Variants in ZNF487 observed in about 807,000 individuals in gnomAD.
ZNF487 encodes the protein zinc finger protein 487.
A neutral mutation model predicts 3.0 loss-of-function variants in ZNF487; 4 were observed. The observed-to-expected ratio is 1.35, with a 90% CI of 0.66 to 3.08. The LOEUF (loss-of-function observed/expected upper bound fraction) is 3.08. Ranked by LOEUF, ZNF487 falls within the 30% of genes most tolerant of loss-of-function variation. ZNF487 has a pLI of 0.01. For synonymous variants in ZNF487, 55 were observed against 34.6 expected, an observed-to-expected ratio of 1.59 and a Z score of -2.06; for missense variants, 146 against 98.7, an observed-to-expected ratio of 1.48 and a Z score of -2.03.
intron 1 of ZNF487, among the ~76,000 whole-genome samples, chr10:43,466,970 C>T (rs1165804664): frequency 1.3e-5 from 2 of 150,252 alleles, no homozygotes; most frequent in African/African-American, 2.5e-5. Context: ...CTAGGTTTGG[C>T]GATTCTCCTG....
intron 1 of ZNF487, among the ~76,000 whole-genome samples, chr10:43,469,535 TC>T (rs1840830524): frequency 6.6e-6 from 1 of 151,950 alleles, no homozygotes; most frequent in African/African-American, 2.4e-5. Flanking sequence ...AGAGACAGGG[TC>T]CCTTATGTTG....
At chr10:43,492,442 A>ATT in the ZNF487 span, among the ~76,000 whole-genome samples, 1 of 80,208 alleles carries the variant, frequency 1.2e-5, no homozygotes. Flanking sequence ...ATTTTATTTT[A>ATT]TTATTTTATT....
At chr10:43,494,765 C>CAAA in the ZNF487 span, among the ~76,000 whole-genome samples, 1,013 of 35,756 alleles carry the variant, frequency 0.028, 78 homozygotes, top group African/African-American at 0.086. Context: ...ACTAAAAATA[C>CAAA]AAAAAAAAAA....
intron 3 of ZNF487, among the ~76,000 whole-genome samples, chr10:43,479,459 A>C (rs1348021420): frequency 6.6e-6 from 1 of 152,186 alleles, no homozygotes; most frequent in Non-Finnish European, 1.5e-5. Context: ...GTGGTAAAAT[A>C]AACTAAAATA....
At chr10:43,509,897 C>T in the ZNF487 span, among the ~76,000 whole-genome samples, 1 of 152,146 alleles carries the variant, frequency 6.6e-6, no homozygotes, top group Non-Finnish European at 1.5e-5. Flanking sequence ...CGGTTGTCAA[C>T]TTGAACCCAT....
chr10:43,440,884 T>C (rs1839575404), intron 1 of ZNF487, among the ~76,000 whole-genome samples: 1 of 151,842 alleles, frequency 6.6e-6, no homozygotes, highest in Non-Finnish European at 1.5e-5. Flanking sequence ...TTGTTGTTTG[T>C]TTTTGAGAGA....
intron 1 of ZNF487, among the ~76,000 whole-genome samples, chr10:43,448,790 C>G (rs572642922): frequency 6.6e-6 from 1 of 151,590 alleles, no homozygotes; most frequent in East Asian, 2.0e-4. Context: ...GTACTCCAGC[C>G]TAGGTGACAG....
At chr10:43,445,597 C>G (rs1456783727) in intron 1 of ZNF487, among the ~76,000 whole-genome samples, 2 of 150,212 alleles carry the variant, frequency 1.3e-5, no homozygotes, top group African/African-American at 2.4e-5. Flanking sequence ...CTAGATCTTC[C>G]TGAGTACTTT....
chr10:43,486,418 C>T (rs188150335), downstream of ZNF487, among the ~76,000 whole-genome samples: 8 of 151,876 alleles, frequency 5.3e-5, no homozygotes, highest in East Asian at 1.2e-3. Flanking sequence ...CCCAGCTACT[C>T]GGGAGGCTGA....
chr10:43,443,965 G>C (rs890460914), intron 1 of ZNF487, among the ~76,000 whole-genome samples: 12 of 150,856 alleles, frequency 8.0e-5, no homozygotes, highest in African/African-American at 2.9e-4. Context: ...CGATTCCTCT[G>C]CCTCAGCCTC....
chr10:43,493,161 C>T, the ZNF487 span, among the ~76,000 whole-genome samples: 3 of 152,014 alleles, frequency 2.0e-5, no homozygotes, highest in Non-Finnish European at 4.4e-5. Context: ...ACCTGGGAGG[C>T]GGAGGTTGCG....
In ZNF487 at chr10:43,482,921, T is replaced by C. The variant is rs760193113; in HGVS notation, c.*999T>C. 5 of 532,270 alleles carry C rather than the reference T, an allele frequency of 9.4e-6. No individual in the cohort carries two copies. Among genetic ancestry groups the C allele is most frequent in the South Asian group, 7.0e-5 (5 of 71,588 alleles). 33.0% of individuals were successfully genotyped at this position (532,270 alleles called of 1,614,324 possible). A position where few individuals can be genotyped will look rare whatever the true frequency, so the allele number is the denominator to read the frequency against. The stretch of plus-strand genomic sequence containing the variant: ...ACACAGGAGAGAAACCCTATGCATG[T>C]AGTGAATGTGGGAAAACCTTCTACC... On this transcript the variant is annotated 3_prime_UTR_variant, in exon 4 of 4. Transcript: ENST00000437590.
At chr10:43,438,979 C>T (rs781379546) in intron 1 of ZNF487, among the ~76,000 whole-genome samples, 19 of 151,974 alleles carry the variant, frequency 1.3e-4, no homozygotes, top group African/African-American at 2.2e-4. Context: ...CGGTGTCTCA[C>T]GCCTGTAGTC....
At chr10:43,461,834 A>C (rs997766489) in intron 1 of ZNF487, among the ~76,000 whole-genome samples, 2 of 152,172 alleles carry the variant, frequency 1.3e-5, no homozygotes, top group Middle Eastern at 3.2e-3. Flanking sequence ...ATTATCCTTT[A>C]GAACTTGATA....
At chr10:43,513,164 G>C in the ZNF487 span, among the ~76,000 whole-genome samples, 1 of 152,204 alleles carries the variant, frequency 6.6e-6, no homozygotes, top group Non-Finnish European at 1.5e-5. Context: ...ATAAGAAAAA[G>C]CGATCAAGGT....
chr10:43,446,720 G>A (rs1041302651), intron 1 of ZNF487, among the ~76,000 whole-genome samples: 40 of 151,842 alleles, frequency 2.6e-4, no homozygotes, highest in African/African-American at 8.0e-4. Context: ...CTGGGCTGCC[G>A]GGCAGAGGGG....
intron 1 of ZNF487, among the ~76,000 whole-genome samples, chr10:43,448,588 A>G (rs1465289255): frequency 6.7e-6 from 1 of 149,846 alleles, no homozygotes; most frequent in Admixed American, 6.6e-5. Flanking sequence ...GGCCGAGGCA[A>G]GTGGATCACT....
the ZNF487 span, among the ~76,000 whole-genome samples, chr10:43,494,040 A>AG: frequency 3.3e-5 from 5 of 151,222 alleles, no homozygotes; most frequent in African/African-American, 4.9e-5. Flanking sequence ...CTAAAAAAAA[A>AG]AAAAAAAAAC....
downstream of ZNF487, among the ~76,000 whole-genome samples, chr10:43,484,986 A>G (rs916370078): frequency 1.3e-5 from 2 of 152,232 alleles, no homozygotes; most frequent in African/African-American, 2.4e-5. Context: ...AGCTCAACAC[A>G]ATCTGGTCAT....
Sources: gnomAD v4.1 joint callset for allele counts (sites outside exome capture counted in the v4.1 genomes callset) on GRCh38, gnomAD v4.1.1 for gene constraint, MANE v1.5 for transcripts, NCBI Gene and HGNC (gene_info 2026-07-23, HGNC 2026-07-21) for gene names.